The following MYT1 variants were observed in gnomAD, a reference collection of about 807,000 sequenced individuals.
MYT1 encodes the protein myelin transcription factor 1, also known as myelin transcription factor I.
MYT1 carries 23 observed loss-of-function variants against 123.0 expected under a neutral mutation model. The observed-to-expected ratio is 0.19, with a 90% confidence interval of 0.13 to 0.26. The LOEUF is 0.26. MYT1 is among the 10% of genes least tolerant of loss of function. The probability of loss-of-function intolerance (pLI) is 1.00; values close to 1 mark genes in which losing one functional copy is unlikely to be tolerated. For missense variants in MYT1, 1,125 were observed against 1,472.5 expected, an observed-to-expected ratio of 0.76 and a Z score of 3.86; for synonymous variants, 518 against 575.3, an observed-to-expected ratio of 0.90 and a Z score of 1.43.
At chr20:64,230,998 C>T (rs1262947869) in intron 18 of MYT1, among the ~76,000 whole-genome samples, 1 of 152,172 alleles carries the variant, frequency 6.6e-6, no homozygotes, top group East Asian at 1.9e-4. Flanking sequence ...GCAGCGCAGC[C>T]CTGAGCCGCC....
At position 64,167,255 on chromosome 20, in the gene MYT1, G is replaced by A. The variant is rs111907214; in HGVS notation, c.-99+2516G>A. ...AGAGAGAAACCCGGGGCCTCCAGCC[G>A]CTGCTCGGTGGCAGTGGGCGGGCTG... On this transcript the variant is annotated intron_variant, in intron 1 of 22. Transcript: ENST00000328439. This position sits in a 1 kb window ranked among gnomAD's most constrained non-coding sequence, Gnocchi z 6.3. 4.5e-3 allele frequency among the ~76,000 whole-genome samples: 680 copies of A among 152,358 alleles called. 6 individuals are homozygous for A. The highest frequency in any genetic ancestry group is 0.026 in the South Asian group (124 of 4,824).
At chr20:64,182,063 C>T (rs908617295) in intron 1 of MYT1, among the ~76,000 whole-genome samples, 23 of 152,320 alleles carry the variant, frequency 1.5e-4, no homozygotes, top group Admixed American at 1.1e-3. Context: ...TTATTCTAAC[C>T]GTTTTCTTGC....
chr20:64,195,534 T>C (rs1462784728), intron 2 of MYT1, among the ~76,000 whole-genome samples: 1 of 151,902 alleles, frequency 6.6e-6, no homozygotes, highest in Non-Finnish European at 1.5e-5. Flanking sequence ...TAGCTGAGAC[T>C]ACAGGCGTGC....
chr20:64,194,773 C>T (rs928162036), intron 2 of MYT1, among the ~76,000 whole-genome samples: 3 of 152,210 alleles, frequency 2.0e-5, no homozygotes, highest in African/African-American at 7.2e-5. Context: ...TGGAAGTTGG[C>T]ACAAAGCCCG....
intron 2 of MYT1, among the ~76,000 whole-genome samples, chr20:64,197,976 G>C (rs1361031378): frequency 6.6e-6 from 1 of 152,144 alleles, no homozygotes; most frequent in Non-Finnish European, 1.5e-5. Context: ...TGACCCTGGT[G>C]CGTGAGGGGC....
rs550304973 is a variant in MYT1, at chr20:64,242,010, T to C, written c.*1562T>C. The C allele has an allele frequency of 3.9e-5, 6 of 152,554 alleles. No individual in the cohort carries two copies. The highest frequency in any genetic ancestry group is 4.1e-4 in the South Asian group (2 of 4,830). The allele number at this position is 152,554 out of a possible 1,614,324, so 9.5% of individuals were successfully genotyped here. ...ATTATTTAAGTGTAGCGCAGATGTG[T>C]GTGCTTGGGCGTGTTTCTCGTGTCG... On this transcript the variant is annotated 3_prime_UTR_variant, in exon 23 of 23. Coordinates refer to ENST00000328439, the MANE Select transcript of MYT1 (RefSeq NM_004535.3).
chr20:64,200,691 G>A (rs1983269283), intron 4 of MYT1, among the ~76,000 whole-genome samples: 1 of 152,232 alleles, frequency 6.6e-6, no homozygotes, highest in Non-Finnish European at 1.5e-5. Context: ...GGTCATGGAA[G>A]CACTGCCTGG....
At chr20:64,216,050 TCA>T (rs1471065060) in intron 10 of MYT1, among the ~76,000 whole-genome samples, 1 of 152,204 alleles carries the variant, frequency 6.6e-6, no homozygotes, top group Admixed American at 6.5e-5. Context: ...TCCAGGCCCA[TCA>T]GAGCTGGCCG....
chr20:64,166,115 G>A lies in MYT1; in HGVS notation c.-99+1376G>A, dbSNP rs948028705. On this transcript the variant is annotated intron_variant, in intron 1 of 22. Coordinates refer to ENST00000328439, the MANE Select transcript of MYT1 (RefSeq NM_004535.3). The surrounding 1 kb of genome is among the most constrained non-coding windows in gnomAD (Gnocchi z 4.9). ...GCTCCCCTCCCATTGGTCCTTGGCT[G>A]TGATTATCGCCTCCTTCCATATGGC... Among the ~76,000 whole-genome samples the A allele has an allele frequency of 3.9e-5, 6 of 152,178 alleles. No individual in the cohort carries two copies. Among genetic ancestry groups the A allele is most frequent in the Admixed American group, 3.9e-4 (6 of 15,282 alleles).
chr20:64,220,760 G>A (rs2145724789), intron 13 of MYT1, among the ~76,000 whole-genome samples: 1 of 151,676 alleles, frequency 6.6e-6, no homozygotes, highest in South Asian at 2.1e-4. Context: ...AGCAGGGCCA[G>A]ACCCTCAAGG....
chr20:64,204,756 C>T (rs576463882), intron 4 of MYT1, among the ~76,000 whole-genome samples: 20 of 152,324 alleles, frequency 1.3e-4, no homozygotes, highest in African/African-American at 4.8e-4. Flanking sequence ...AACCTGGTGG[C>T]AGCTAGTGGA....
rs910705682 is a variant in MYT1, at chr20:64,192,515, G to T, written c.-1+2355G>T. On this transcript the variant is annotated intron_variant, in intron 2 of 22. Transcript: ENST00000328439. The surrounding 1 kb of genome is among the most constrained non-coding windows in gnomAD (Gnocchi z 5.3). ...GGTGGTGAGGAGCCAGCATGGGAGG[G>T]CAGTGAACACACAAACCCTGTGCAT... Among the ~76,000 whole-genome samples the T allele has an allele frequency of 6.6e-6, 1 of 152,178 alleles. No homozygotes were observed. The highest frequency in any genetic ancestry group is 1.5e-5 in the Non-Finnish European group (1 of 68,030).
intron 1 of MYT1, among the ~76,000 whole-genome samples, chr20:64,178,478 G>A (rs993885150): frequency 1.3e-5 from 2 of 152,200 alleles, no homozygotes; most frequent in African/African-American, 4.8e-5. Flanking sequence ...GCGCTGAGCC[G>A]TTATTCAGTG....
intron 2 of MYT1, among the ~76,000 whole-genome samples, chr20:64,197,349 A>G (rs1983153993): frequency 1.3e-5 from 2 of 152,144 alleles, no homozygotes; most frequent in Admixed American, 1.3e-4. Context: ...TTCTGTAGAC[A>G]TTTGTCTCTT....
chr20:64,198,038 C>A (rs1326233425), intron 2 of MYT1, among the ~76,000 whole-genome samples: 1 of 152,174 alleles, frequency 6.6e-6, no homozygotes, highest in Non-Finnish European at 1.5e-5. Flanking sequence ...GTAATCCCAG[C>A]ACTTTGGGAG....
intron 7 of MYT1, among the ~76,000 whole-genome samples, chr20:64,209,939 G>A (rs531308349): frequency 3.3e-5 from 5 of 152,316 alleles, no homozygotes; most frequent in East Asian, 1.9e-4. Flanking sequence ...GATTTAGGTC[G>A]GCAGTGTCAT....
intron 6 of MYT1, 125 bp from the exon 7 acceptor site, chr20:64,207,469 C>T: frequency 6.7e-7 from 1 of 1,488,528 alleles, no homozygotes; most frequent in Non-Finnish European, 9.0e-7. Context: ...TCATGTTTCC[C>T]CTTGGCTCCC....
At chr20:64,184,734 A>G (rs1437996621) in intron 1 of MYT1, among the ~76,000 whole-genome samples, 1 of 152,234 alleles carries the variant, frequency 6.6e-6, no homozygotes, top group Admixed American at 6.5e-5. Context: ...CATTGGCAGG[A>G]TTTGGGGCCA....
At chr20:64,217,918 C>T (rs1983887642) in intron 11 of MYT1, among the ~76,000 whole-genome samples, 1 of 152,226 alleles carries the variant, frequency 6.6e-6, no homozygotes, top group Admixed American at 6.5e-5. Flanking sequence ...ACTTACTGCC[C>T]TAATTTGTGG....
Sources: gnomAD v4.1 joint callset for allele counts (sites outside exome capture counted in the v4.1 genomes callset) on GRCh38, gnomAD v4.1.1 for gene constraint, Gnocchi (gnomAD v3.1) non-coding constraint, MANE v1.5 for transcripts, NCBI Gene and HGNC (gene_info 2026-07-23, HGNC 2026-07-21) for gene names.